MEP1A: variants seen among roughly 807,000 people sequenced by gnomAD.
MEP1A encodes the protein N-benzoyl-L-tyrosyl-P-amino-benzoic acid hydrolase subunit alpha.
In MEP1A, 68 loss-of-function variants were observed where a neutral mutation model predicts 84.5. The observed-to-expected ratio is 0.80, with a 90% confidence interval of 0.66 to 0.98. The LOEUF (loss-of-function observed/expected upper bound fraction) is 0.98, where lower values mean the gene tolerates loss of function less well. Among genes scored for constraint, MEP1A ranks in the 50% least tolerant of loss-of-function variants. MEP1A has a pLI of 0.00. For synonymous variants in MEP1A, 337 were observed against 336.8 expected, an observed-to-expected ratio of 1.00 and a Z score of -0.01; for missense variants, 887 against 919.9, an observed-to-expected ratio of 0.96 and a Z score of 0.46.
At chr6:46,842,404 G>A (rs542050327), downstream of MEP1A, among the ~76,000 whole-genome samples, 10 of 152,246 alleles carry the variant, frequency 6.6e-5, no homozygotes, top group South Asian at 2.1e-3. Context: ...GAATACCTTG[G>A]GGGAAGGAAT....
At chr6:46,804,612 G>A (rs987143837) in intron 5 of MEP1A, among the ~76,000 whole-genome samples, 2 of 151,664 alleles carry the variant, frequency 1.3e-5, no homozygotes, top group African/African-American at 4.8e-5. Flanking sequence ...GTCAATATTT[G>A]TATATAGTTC....
intron 9 of MEP1A, among the ~76,000 whole-genome samples, chr6:46,827,544 T>A (rs1767975383): frequency 6.6e-6 from 1 of 152,204 alleles, no homozygotes; most frequent in Non-Finnish European, 1.5e-5. Context: ...AGTCACTTAG[T>A]CCGTAACTGT....
In MEP1A at chr6:46,835,538, G is replaced by A; in HGVS notation, c.2073G>A (p.Met691Ile). The A allele has an allele frequency of 6.2e-7, 1 of 1,613,526 alleles. No individual in the cohort carries two copies. Among genetic ancestry groups the A allele is most frequent in the African/African-American group, 1.3e-5 (1 of 75,052 alleles). The change falls in exon 13 of 14, where the codon ATG becomes ATA. Residue 691 changes from methionine (M) to isoleucine (I), a missense_variant. Met to Ile is a conservative substitution (Grantham distance 10, BLOSUM62 1). Transcript: ENST00000230588. ...GCATCTGTGTGAACGTGAAGGGGAT[G>A]GCGAGCTGCAGGTAGGCTCTGTGGC... is the stretch of plus-strand genomic sequence containing the variant. ...NDGICVNVKG[M>I]ASCRCISGHA...
chr6:46,839,453 C>T lies in MEP1A; in HGVS notation c.*317C>T, dbSNP rs1768291423. The T allele has an allele frequency of 5.3e-6, 1 of 190,462 alleles. No individual in the cohort carries two copies. The allele number at this position is 190,462 out of a possible 1,614,324, so 11.8% of individuals were successfully genotyped here. On this transcript the variant is annotated 3_prime_UTR_variant, in exon 14 of 14. Coordinates refer to ENST00000230588, the MANE Select transcript of MEP1A (RefSeq NM_005588.3). ...GCACATGTTGTTCTCATTGACCGTGCTGGCCCCAGTGCCTAGATGCATGGC... is the reference window on the plus strand; with the variant it reads ...GCACATGTTGTTCTCATTGACCGTGTTGGCCCCAGTGCCTAGATGCATGGC...
chr6:46,812,489 T>A (rs577931975), intron 6 of MEP1A, among the ~76,000 whole-genome samples: 112 of 152,196 alleles, frequency 7.4e-4, no homozygotes, highest in Non-Finnish European at 1.3e-3. Flanking sequence ...TGATATTTGT[T>A]GTTTCTTTTC....
chr6:46,809,340 T>C lies in MEP1A; in HGVS notation c.263-80T>C, dbSNP rs538433013. Reference sequence around the variant, plus strand: ...CCTCTGTGGATTTAATGTGGCAGCATGGTTTTCTCTAAACTATAAGTTATA... The same window carrying C: ...CCTCTGTGGATTTAATGTGGCAGCACGGTTTTCTCTAAACTATAAGTTATA... On this transcript the variant is annotated intron_variant, in intron 5 of 13. Coordinates refer to ENST00000230588, the MANE Select transcript of MEP1A (RefSeq NM_005588.3). The C allele has an allele frequency of 1.1e-5, 9 of 843,360 alleles. No homozygotes were observed. The Admixed American group carries it at 2.1e-4, about 19-fold the overall frequency. 52.2% of individuals were successfully genotyped at this position (843,360 alleles called of 1,614,324 possible).
chr6:46,836,636 A>C (rs1409073949), intron 13 of MEP1A, among the ~76,000 whole-genome samples: 1 of 152,062 alleles, frequency 6.6e-6, no homozygotes, highest in Non-Finnish European at 1.5e-5. Flanking sequence ...CAGTTTTCCC[A>C]CTAATGTTCT....
intron 5 of MEP1A, among the ~76,000 whole-genome samples, chr6:46,807,574 AAGG>A (rs1562106694): frequency 1.2e-3 from 73 of 61,896 alleles, no homozygotes; most frequent in African/African-American, 6.0e-3. Context: ...GAAAGGAAGG[AAGG>A]AAGGAAGGAA....
chr6:46,824,584 A>G lies in MEP1A; in HGVS notation c.557-688A>G, dbSNP rs1043387630. 3.2e-4 allele frequency among the ~76,000 whole-genome samples: 45 copies of G among 139,158 alleles called. No homozygotes were observed. In the East Asian group the frequency reaches 6.6e-3, roughly 21 times the overall value. The allele number at this position is 139,158 out of a possible 152,430, so 91.3% of individuals were successfully genotyped here. A position where few individuals can be genotyped will look rare whatever the true frequency, so the allele number is the denominator to read the frequency against. ...ATTAAATAGATGTATTTAAATATATAAATTATATATATTAAATAGATGTAT... is the reference window on the plus strand; with the variant it reads ...ATTAAATAGATGTATTTAAATATATGAATTATATATATTAAATAGATGTAT... On this transcript the variant is annotated intron_variant, in intron 7 of 13. Transcript: ENST00000230588.
At chr6:46,817,297 T>C (rs1767663635) in intron 6 of MEP1A, among the ~76,000 whole-genome samples, 1 of 152,186 alleles carries the variant, frequency 6.6e-6, no homozygotes, top group Non-Finnish European at 1.5e-5. Flanking sequence ...GCTGAAAGAA[T>C]AACTTTGGGG....
At chr6:46,830,620 A>G (rs1562116569) in intron 10 of MEP1A, among the ~76,000 whole-genome samples, 1 of 152,216 alleles carries the variant, frequency 6.6e-6, no homozygotes, top group African/African-American at 2.4e-5. Flanking sequence ...CTAGCATCCA[A>G]CTGCCTACCT....
At chr6:46,807,565 A>AAAGAAAGAAAGGAAGGAAGGAAGG (rs1562106650) in intron 5 of MEP1A, among the ~76,000 whole-genome samples, 1 of 71,818 alleles carries the variant, frequency 1.4e-5, no homozygotes, top group Non-Finnish European at 2.6e-5. Context: ...AGAAAGAAAG[A>AAAGAAAGAAAGGAAGGAAGGAAGG]AAGGAAGGAA....
chr6:46,829,365 A>G lies in MEP1A; in HGVS notation c.938A>G (p.Tyr313Cys). The change falls in exon 10 of 14, where the codon TAC becomes TGC. Residue 313 changes from tyrosine (Y) to cysteine (C), a missense_variant. Tyr to Cys is a radical substitution (Grantham distance 194). Transcript: ENST00000230588. ...TLLGQCTGAG[Y>C]FMQFSTSSGS... Reference sequence around the variant, plus strand: ...GCTGCTCTTTCCATAGGTGCCGGCTACTTCATGCAGTTCAGCACCAGCTCG... The same window carrying G: ...GCTGCTCTTTCCATAGGTGCCGGCTGCTTCATGCAGTTCAGCACCAGCTCG... The G allele has an allele frequency of 6.2e-7, 1 of 1,613,286 alleles. No homozygotes were observed. The highest frequency in any genetic ancestry group is 8.5e-7 in the Non-Finnish European group (1 of 1,179,972).
Position 46,829,475 on chromosome 6 carries a change from A to T in MEP1A, c.1048A>T (p.Met350Leu), listed in dbSNP as rs1768027502. The T allele has an allele frequency of 6.2e-7, 1 of 1,614,208 alleles. No homozygotes were observed. Residue 350 changes from methionine to leucine, a missense_variant, in exon 10 of 14, where the codon ATG becomes TTG. Physicochemically the swap from Met to Leu is conservative, Grantham distance 15. Transcript: ENST00000230588. ...KQQCLQFFYK[M>L]TGSPSDRLVV... ...GCAGTGCCTGCAATTTTTCTATAAA[A>T]TGACGGGAAGTCCTTCAGACAGACT...
intron 6 of MEP1A, among the ~76,000 whole-genome samples, chr6:46,810,098 C>T (rs1767459144): frequency 6.6e-6 from 1 of 151,908 alleles, no homozygotes; most frequent in South Asian, 2.1e-4. Context: ...AAAAGTGTTC[C>T]CTTTTCACTG....
chr6:46,809,128 G>T (rs1767429876), intron 5 of MEP1A, among the ~76,000 whole-genome samples: 1 of 150,928 alleles, frequency 6.6e-6, no homozygotes, highest in Non-Finnish European at 1.5e-5. Context: ...AAGTGTGGAA[G>T]TTATTTTATT....
intron 6 of MEP1A, among the ~76,000 whole-genome samples, chr6:46,811,206 A>C (rs1046338704): frequency 6.6e-6 from 1 of 151,926 alleles, no homozygotes; most frequent in African/African-American, 2.4e-5. Flanking sequence ...TATATTCCTA[A>C]GTATTTTATT....
intron 7 of MEP1A, among the ~76,000 whole-genome samples, chr6:46,824,921 G>A (rs12204818): frequency 9.8e-5 from 11 of 112,812 alleles, no homozygotes; most frequent in African/African-American, 2.7e-4. Flanking sequence ...TATTTAAATA[G>A]ATCTATTTAA....
At chr6:46,822,257 A>T (rs948427320) in intron 7 of MEP1A, among the ~76,000 whole-genome samples, 1 of 152,180 alleles carries the variant, frequency 6.6e-6, no homozygotes, top group African/African-American at 2.4e-5. Flanking sequence ...AGTAGTTACA[A>T]CAGAGAACAT....
Sources: gnomAD v4.1 joint callset for allele counts (sites outside exome capture counted in the v4.1 genomes callset) on GRCh38, gnomAD v4.1.1 for gene constraint, MANE v1.5 for transcripts, NCBI Gene and HGNC (gene_info 2026-07-23, HGNC 2026-07-21) for gene names.